ELMO1: variants seen among roughly 807,000 people sequenced by gnomAD.
ELMO1 encodes the protein engulfment and cell motility 1.
A neutral mutation model predicts 98.9 loss-of-function variants in ELMO1; 26 were observed. The observed-to-expected ratio is 0.26, with a 90% CI of 0.19 to 0.36. The LOEUF (loss-of-function observed/expected upper bound fraction) is 0.36. Ranked by LOEUF, ELMO1 falls within the 10% of genes least tolerant of loss-of-function variation. The pLI is 1.00. For missense variants in ELMO1, 627 were observed against 935.2 expected (o/e 0.67, Z 4.30); for synonymous variants, 346 against 346.0 (o/e 1.00, Z 0.00).
intron 15 of ELMO1, among the ~76,000 whole-genome samples, chr7:37,084,905 C>A (rs974530670): frequency 6.6e-6 from 1 of 152,000 alleles, no homozygotes; most frequent in Non-Finnish European, 1.5e-5. Flanking sequence ...TACAGGCTCC[C>A]ACCAGCATAC....
At chr7:37,123,772 C>G (rs1423772431) in intron 14 of ELMO1, among the ~76,000 whole-genome samples, 14 of 152,194 alleles carry the variant, frequency 9.2e-5, no homozygotes, top group Admixed American at 9.2e-4. Flanking sequence ...AGGGAATCCT[C>G]CCTATCTCAT....
intron 15 of ELMO1, among the ~76,000 whole-genome samples, chr7:37,089,258 C>T (rs894420420): frequency 3.3e-5 from 5 of 152,092 alleles, no homozygotes; most frequent in Non-Finnish European, 4.4e-5. Flanking sequence ...CACTCGGCAC[C>T]ACTGGTGTAT....
chr7:37,363,952 C>A (rs143126828), intron 1 of ELMO1, among the ~76,000 whole-genome samples: 13 of 152,160 alleles, frequency 8.5e-5, no homozygotes, highest in African/African-American at 1.9e-4. Context: ...TCTAACCCCC[C>A]ACAGGCAACA....
chr7:37,191,951 C>T (rs539522933), intron 13 of ELMO1, among the ~76,000 whole-genome samples: 3 of 152,068 alleles, frequency 2.0e-5, no homozygotes, highest in East Asian at 1.9e-4. Context: ...GGCTTCTGCA[C>T]GTGATGTTTA....
At chr7:37,359,194 C>A (rs1459563380) in intron 1 of ELMO1, among the ~76,000 whole-genome samples, 1 of 152,218 alleles carries the variant, frequency 6.6e-6, no homozygotes, top group Non-Finnish European at 1.5e-5. Flanking sequence ...CCTTCCTACT[C>A]CTTCCTTGCA....
chr7:37,221,523 A>C (rs949427349), intron 10 of ELMO1, among the ~76,000 whole-genome samples: 4 of 152,202 alleles, frequency 2.6e-5, no homozygotes, highest in Admixed American at 6.5e-5. Flanking sequence ...GATTGAAAAA[A>C]ACATGAATGG....
intron 13 of ELMO1, among the ~76,000 whole-genome samples, chr7:37,157,542 G>A (rs576209245): frequency 1.3e-5 from 2 of 152,262 alleles, no homozygotes; most frequent in African/African-American, 2.4e-5. Flanking sequence ...CAAATCATGA[G>A]TGAACTCCCA....
chr7:37,407,645 C>T (rs73350080), intron 1 of ELMO1, among the ~76,000 whole-genome samples: 102 of 152,166 alleles, frequency 6.7e-4, no homozygotes, highest in African/African-American at 2.4e-3. Flanking sequence ...ATAAAAACAT[C>T]GGTAGTTGCC....
chr7:36,877,975 C>G, intron 19 of ELMO1, 35 bp downstream of exon 19: 1 of 1,534,808 alleles, frequency 6.5e-7, no homozygotes, highest in Non-Finnish European at 9.0e-7. Context: ...ACCAACCGAC[C>G]ACCACTCAGG....
intron 4 of ELMO1, among the ~76,000 whole-genome samples, chr7:37,308,318 G>A (rs559359083): frequency 3.9e-5 from 6 of 152,178 alleles, no homozygotes; most frequent in African/African-American, 1.4e-4. Context: ...ATGATCTTAG[G>A]ATGAAGTTCA....
chr7:37,254,143 G>A (rs6462747), intron 6 of ELMO1, among the ~76,000 whole-genome samples: 48,205 of 151,996 alleles, frequency 0.32, 7,766 homozygotes, highest in Middle Eastern at 0.43. Flanking sequence ...AGGAAGGCAG[G>A]AGGCCTTGCA....
intron 1 of ELMO1, among the ~76,000 whole-genome samples, chr7:37,410,394 TA>T (rs1803948161): frequency 6.6e-6 from 1 of 152,226 alleles, no homozygotes; most frequent in Admixed American, 6.5e-5. Context: ...AAGGGTTCAG[TA>T]AATGCTTATT....
At chr7:37,052,498 A>G (rs1584569632) in intron 15 of ELMO1, among the ~76,000 whole-genome samples, 1 of 152,142 alleles carries the variant, frequency 6.6e-6, no homozygotes, top group African/African-American at 2.4e-5. Context: ...ACCATATCCA[A>G]TATTTGCCTT....
At chr7:37,125,117 C>A (rs959062995) in intron 14 of ELMO1, among the ~76,000 whole-genome samples, 12 of 152,112 alleles carry the variant, frequency 7.9e-5, no homozygotes, top group East Asian at 1.9e-4. Context: ...CTTCCTTACA[C>A]CTTATACAAA....
At chr7:37,135,977 A>G (rs1309262939) in intron 13 of ELMO1, among the ~76,000 whole-genome samples, 2 of 152,200 alleles carry the variant, frequency 1.3e-5, no homozygotes, top group African/African-American at 4.8e-5. Flanking sequence ...AATAAAAAAC[A>G]GGATACAGTA....
At chr7:37,206,178 TCA>T (rs1346698809) in intron 13 of ELMO1, among the ~76,000 whole-genome samples, 1 of 152,210 alleles carries the variant, frequency 6.6e-6, no homozygotes, top group East Asian at 1.9e-4. Context: ...GCATCTAGAT[TCA>T]CAGACTATGT....
intron 13 of ELMO1, among the ~76,000 whole-genome samples, chr7:37,143,453 C>A (rs1787770724): frequency 6.6e-6 from 1 of 152,182 alleles, no homozygotes; most frequent in Non-Finnish European, 1.5e-5. Flanking sequence ...GTCACCCAGG[C>A]TGGAGTGCAG....
At chr7:37,334,679 C>A (rs12333933) in intron 2 of ELMO1, among the ~76,000 whole-genome samples, 1 of 151,954 alleles carries the variant, frequency 6.6e-6, no homozygotes, top group African/African-American at 2.4e-5. Flanking sequence ...ATTATTACTG[C>A]TACTAACGAG....
chr7:36,982,217 G>A (rs1791126235), intron 16 of ELMO1, among the ~76,000 whole-genome samples: 1 of 152,152 alleles, frequency 6.6e-6, no homozygotes, highest in Non-Finnish European at 1.5e-5. Context: ...AATTTTATGA[G>A]ATCTAAATAC....
Sources: gnomAD v4.1 joint callset for allele counts (sites outside exome capture counted in the v4.1 genomes callset) on GRCh38, gnomAD v4.1.1 for gene constraint, MANE v1.5 for transcripts, NCBI Gene and HGNC (gene_info 2026-07-23, HGNC 2026-07-21) for gene names.